Variants in CATSPER2 observed in about 807,000 individuals in gnomAD.
CATSPER2 encodes the protein cation channel sperm associated 2.
In CATSPER2, 56 loss-of-function variants were observed where a neutral mutation model predicts 68.8. That is an observed-to-expected ratio of 0.81 (90% CI 0.66 to 1.02). The LOEUF is 1.02. Among genes scored for constraint, CATSPER2 ranks in the 50% least tolerant of loss-of-function variants. The pLI, the probability that CATSPER2 is intolerant of heterozygous loss-of-function variation, is 0.00. For missense variants in CATSPER2, 582 were observed against 642.0 expected, an observed-to-expected ratio of 0.91 and a Z score of 1.01; for synonymous variants, 198 against 229.9, an observed-to-expected ratio of 0.86 and a Z score of 1.26.
rs773071794 is a variant in CATSPER2 at position 43,631,454 on chromosome 15, C to A, written c.1562-722G>T. The A allele has an allele frequency of 2.8e-5, 7 of 248,760 alleles. No homozygotes were observed. The South Asian group carries it at 3.1e-4, about 11-fold the overall frequency. The allele number at this position is 248,760 out of a possible 1,614,324, so 15.4% of individuals were successfully genotyped here. On this transcript the variant is annotated intron_variant, in intron 12 of 12. Coordinates refer to ENST00000396879, the MANE Select transcript of CATSPER2 (RefSeq NM_172095.4). ...CCATGTTGGCCAGGATGATCCTAATCTCCTGACCTTGTGATCTGCCCGCCT... is the reference window on the plus strand; with the variant it reads ...CCATGTTGGCCAGGATGATCCTAATATCCTGACCTTGTGATCTGCCCGCCT...
In CATSPER2 at chr15:43,630,146, G is replaced by T. The variant is rs114685669; in HGVS notation, c.*555C>A. On this transcript the variant is annotated 3_prime_UTR_variant, in exon 13 of 13. Coordinates refer to ENST00000396879, the MANE Select transcript of CATSPER2 (RefSeq NM_172095.4). Reference sequence around the variant, plus strand: ...CTTGTTTTGTTCTTTTTTAGAGATAGGGTCTCGCTATGTTGCCCAGGCTGG... The same window carrying T: ...CTTGTTTTGTTCTTTTTTAGAGATATGGTCTCGCTATGTTGCCCAGGCTGG... 0.014 allele frequency: 2,301 copies of T among 162,330 alleles called. 80 individuals are homozygous for T. The highest frequency in any genetic ancestry group is 0.052 in the African/African-American group (2,163 of 41,570). 10.1% of individuals were successfully genotyped at this position (162,330 alleles called of 1,614,324 possible).
At position 43,628,778 on chromosome 15, in the gene CATSPER2, G is replaced by T. The variant is rs914806669; in HGVS notation, c.*1923C>A. On this transcript the variant is annotated 3_prime_UTR_variant, in exon 13 of 13. Coordinates refer to ENST00000396879, the MANE Select transcript of CATSPER2 (RefSeq NM_172095.4). ...CGTAAGCATATGACCTAACTTCTTG[G>T]TCCAATCAGAGTGGTGGTCAGGATA... 7 of 128,902 alleles carry T rather than the reference G, an allele frequency of 5.4e-5. No individual in the cohort carries two copies. The highest frequency in any genetic ancestry group is 2.2e-4 in the African/African-American group (6 of 27,280). The allele number at this position is 128,902 out of a possible 1,614,324, so 8.0% of individuals were successfully genotyped here. A position where few individuals can be genotyped will look rare whatever the true frequency, so the allele number is the denominator to read the frequency against.
In CATSPER2 at chr15:43,648,028, G is replaced by A. The variant is rs558185970; in HGVS notation, c.34C>T (p.Leu12Phe). The change falls in exon 2 of 13, where the codon CTT (leucine) becomes TTT (phenylalanine). Residue 12 changes from leucine (L) to phenylalanine (F), a missense_variant. This residue lies in a region of CATSPER2 where 197 missense variants were observed against 191.0 expected (regional missense o/e 1.03). Transcript: ENST00000396879. The part of the protein sequence containing the change: ...AAYQQEEQMQ[L>F]PRADAIRSRL... ...GAACGAATGGCATCAGCTCGGGGAA[G>A]CTGCATCTGCTCTTCTTGTTGGTAA... The A allele has an allele frequency of 1.2e-6, 2 of 1,613,714 alleles. No individual in the cohort carries two copies. The highest frequency in any genetic ancestry group is 1.7e-5 in the Admixed American group (1 of 59,998).
chr15:43,647,663 C>T (rs767884013), intron 2 of CATSPER2, among the ~76,000 whole-genome samples, 196 bp from the exon 3 acceptor site: 3 of 152,118 alleles, frequency 2.0e-5, no homozygotes, highest in Non-Finnish European at 4.4e-5. Context: ...TCCATGCCCA[C>T]AAAAGCAGCA....
At chr15:43,639,213 A>C (rs920596917) in intron 6 of CATSPER2, among the ~76,000 whole-genome samples, 185 bp from the exon 7 acceptor site, 2 of 149,786 alleles carry the variant, frequency 1.3e-5, no homozygotes, top group African/African-American at 4.9e-5. Flanking sequence ...AGGACGTTTC[A>C]TTGCCTTCTT....
At chr15:43,648,866 C>G, upstream of CATSPER2, 2 of 1,514,054 alleles carry the variant, frequency 1.3e-6, no homozygotes, top group Non-Finnish European at 1.8e-6. Context: ...CACTCGCCGC[C>G]TAGGCCCCGC....
In CATSPER2 at chr15:43,646,907, G is replaced by A. The variant is rs1429104633; in HGVS notation, c.388+143C>T. On this transcript the variant is annotated intron_variant, in intron 4 of 12. Coordinates refer to ENST00000396879, the MANE Select transcript of CATSPER2 (RefSeq NM_172095.4). ...TTTTTTGTATTTTTTAGTAGAGACA[G>A]GGTTTCACCATGTTGCCCAGGCTGG... The A allele has an allele frequency of 6.8e-5, 50 of 734,326 alleles. 1 individual carries two copies. Among genetic ancestry groups the A allele is most frequent in the South Asian group, 6.7e-4 (47 of 69,958 alleles). 45.5% of individuals were successfully genotyped at this position (734,326 alleles called of 1,614,324 possible).
Position 43,639,608 on chromosome 15 carries a change from T to C in CATSPER2, c.717+35A>G, listed in dbSNP as rs573927507. ...TGTTAAGCCCTCACATTTATCTACC[T>C]TGCCCCCTGCTTTAGCTTGCAACAG... is the stretch of plus-strand genomic sequence containing the variant. On this transcript the variant is annotated intron_variant, in intron 6 of 12. Coordinates refer to ENST00000396879, the MANE Select transcript of CATSPER2 (RefSeq NM_172095.4). 63 of 1,611,622 alleles carry C rather than the reference T, an allele frequency of 3.9e-5. No homozygotes were observed. In the African/African-American group the frequency reaches 7.8e-4, roughly 20 times the overall value.
At position 43,639,547 on chromosome 15, in the gene CATSPER2, G is replaced by T; in HGVS notation, c.717+96C>A. 7 of 1,590,690 alleles carry T rather than the reference G, an allele frequency of 4.4e-6. 1 individual carries two copies. Among genetic ancestry groups the T allele is most frequent in the Non-Finnish European group, 6.0e-6 (7 of 1,166,778 alleles). On this transcript the variant is annotated intron_variant, in intron 6 of 12. Transcript: ENST00000396879. The stretch of plus-strand genomic sequence containing the variant: ...CCCAAAGTGCTGGGATTACAGGCGT[G>T]AGCCACCGCACCCGGCCAATTTGTT...
In CATSPER2 at chr15:43,647,027, TTTC is replaced by T. The variant is rs752930956; in HGVS notation, c.388+20_388+22del. The T allele has an allele frequency of 6.2e-7, 1 of 1,600,634 alleles. No homozygotes were observed. The highest frequency in any genetic ancestry group is 8.6e-7 in the Non-Finnish European group (1 of 1,167,908). On this transcript the variant is annotated intron_variant, in intron 4 of 12. Coordinates refer to ENST00000396879, the MANE Select transcript of CATSPER2 (RefSeq NM_172095.4). ...CCGGCGTGCCCGGCCTCACTTCCTC[TTTC>T]ATACAAGGTCAGTTCTCACCTATTT...
intron 7 of CATSPER2, among the ~76,000 whole-genome samples, chr15:43,636,485 G>A (rs910151707): frequency 7.2e-5 from 11 of 151,728 alleles, no homozygotes; most frequent in African/African-American, 2.2e-4. Flanking sequence ...CCACCTCCTG[G>A]GTTCAAGAGA....
At chr15:43,642,102 C>CTT (rs11440900) in intron 4 of CATSPER2, among the ~76,000 whole-genome samples, 45 of 146,174 alleles carry the variant, frequency 3.1e-4, no homozygotes, top group Middle Eastern at 3.5e-3. Context: ...AATTAGGATG[C>CTT]TTTTTTTTTT....
At chr15:43,631,590 T>C in intron 12 of CATSPER2, 1 of 310,850 alleles carries the variant, frequency 3.2e-6, no homozygotes, top group Non-Finnish European at 6.8e-6. Flanking sequence ...TAATGAAATT[T>C]AGGAAAAATA....
At chr15:43,643,578 C>T (rs1384288527) in intron 4 of CATSPER2, among the ~76,000 whole-genome samples, 1 of 151,794 alleles carries the variant, frequency 6.6e-6, no homozygotes, top group Non-Finnish European at 1.5e-5. Flanking sequence ...CTCAAGTGAT[C>T]CGCAGGACTA....
Position 43,648,668 on chromosome 15 carries a change from AC to A in CATSPER2, c.-43del. The A allele has an allele frequency of 3.5e-6, 5 of 1,419,826 alleles. No individual in the cohort carries two copies. The highest frequency in any genetic ancestry group is 4.6e-6 in the Non-Finnish European group (5 of 1,090,784). The allele number at this position is 1,419,826 out of a possible 1,614,324, so 88.0% of individuals were successfully genotyped here. A position where few individuals can be genotyped will look rare whatever the true frequency, so the allele number is the denominator to read the frequency against. On this transcript the variant is annotated 5_prime_UTR_variant, in exon 1 of 13. Coordinates refer to ENST00000396879, the MANE Select transcript of CATSPER2 (RefSeq NM_172095.4). ...TCTTTGCCCACTCAGTCCTTATTTCACGCTTCCGCCTCCAGCTCAGGTGCCC... is the reference window on the plus strand; with the variant it reads ...TCTTTGCCCACTCAGTCCTTATTTCAGCTTCCGCCTCCAGCTCAGGTGCCC...
intron 6 of CATSPER2, 53 bp downstream of exon 6, chr15:43,639,590 C>A: frequency 6.8e-6 from 11 of 1,610,140 alleles, no homozygotes; most frequent in Non-Finnish European, 9.3e-6. Flanking sequence ...CTATGTTAAG[C>A]CCTCACATTT....
At position 43,643,870 on chromosome 15, in the gene CATSPER2, AC is replaced by A. The variant is rs775856650; in HGVS notation, c.388+3179del. ...ACTTAGGTTTTATTTTATTTTTGAG[AC>A]AGGGTCTTGCTCTGTCACCCAGGCT... On this transcript the variant is annotated intron_variant, in intron 4 of 12. Coordinates refer to ENST00000396879, the MANE Select transcript of CATSPER2 (RefSeq NM_172095.4). Among the ~76,000 whole-genome samples, 26 of 152,044 alleles carry A rather than the reference AC, an allele frequency of 1.7e-4. 1 individual carries two copies. The highest frequency in any genetic ancestry group is 1.2e-3 in the Admixed American group (18 of 15,262).
chr15:43,637,332 C>G (rs2085982045), intron 7 of CATSPER2, among the ~76,000 whole-genome samples: 1 of 151,702 alleles, frequency 6.6e-6, no homozygotes, highest in Admixed American at 6.6e-5. Flanking sequence ...TGAATATATA[C>G]AAATTATAAA....
At chr15:43,638,648 C>G (rs2086012107) in intron 7 of CATSPER2, among the ~76,000 whole-genome samples, 1 of 151,808 alleles carries the variant, frequency 6.6e-6, no homozygotes, top group Non-Finnish European at 1.5e-5. Flanking sequence ...GAGTGTACTG[C>G]TATTTAAAGA....
Sources: gnomAD v4.1 joint callset for allele counts (sites outside exome capture counted in the v4.1 genomes callset) on GRCh38, gnomAD v4.1.1 for gene constraint, gnomAD v4.1.1 regional missense constraint, MANE v1.5 for transcripts, NCBI Gene and HGNC (gene_info 2026-07-23, HGNC 2026-07-21) for gene names.